ATF7: variants seen among roughly 807,000 people sequenced by gnomAD.
ATF7 encodes the protein activating transcription factor 7.
A neutral mutation model predicts 50.4 loss-of-function variants in ATF7; 10 were observed. The ratio of observed to expected loss-of-function variants is 0.20; its 90% CI spans 0.12 to 0.34. The LOEUF (loss-of-function observed/expected upper bound fraction) is 0.34, where lower values mean the gene tolerates loss of function less well. ATF7 is among the 10% of genes least tolerant of loss of function. The pLI, the probability that ATF7 is intolerant of heterozygous loss-of-function variation, is 1.00. For synonymous variants in ATF7, 201 were observed against 226.4 expected (o/e 0.89, Z 1.01); for missense variants, 465 against 613.9 (o/e 0.76, Z 2.56).
chr12:53,527,671 C>T (rs1216381187), intron 9 of ATF7, among the ~76,000 whole-genome samples: 1 of 151,546 alleles, frequency 6.6e-6, no homozygotes, highest in Non-Finnish European at 1.5e-5. Context: ...GTAATCCTGG[C>T]TACTTGGGAG....
intron 9 of ATF7, among the ~76,000 whole-genome samples, chr12:53,529,527 C>T (rs534685917): frequency 5.9e-4 from 87 of 146,728 alleles, no homozygotes; most frequent in African/African-American, 1.9e-3. Flanking sequence ...TTAGTAGAGA[C>T]GGGTTTCACC....
At chr12:53,519,597 G>A (rs1937975221) in intron 11 of ATF7, among the ~76,000 whole-genome samples, 1 of 152,060 alleles carries the variant, frequency 6.6e-6, no homozygotes, top group Non-Finnish European at 1.5e-5. Context: ...AGCTACTCGG[G>A]AGGCTGAGGC....
Position 53,553,077 on chromosome 12 carries a change from CTT to C in ATF7, c.49-442_49-441del, listed in dbSNP as rs994284805. On this transcript the variant is annotated intron_variant, in intron 2 of 11. Coordinates refer to ENST00000420353, the MANE Select transcript of ATF7 (RefSeq NM_006856.3). ...CTCCATGGTAGGGCTGAATTGGACT[CTT>C]TTATGAGGGCGCTAACAGGGAGATA... Among the ~76,000 whole-genome samples the C allele has an allele frequency of 4.6e-5, 7 of 152,290 alleles. No individual in the cohort carries two copies. In the South Asian group the frequency reaches 6.2e-4, roughly 14 times the overall value.
intron 3 of ATF7, among the ~76,000 whole-genome samples, chr12:53,544,696 C>T (rs756337345): frequency 2.0e-5 from 3 of 151,950 alleles, no homozygotes; most frequent in Admixed American, 6.6e-5. Context: ...TGCAGTAAGC[C>T]GAGATCACTG....
chr12:53,525,264 A>T (rs756833244), intron 9 of ATF7, among the ~76,000 whole-genome samples: 1 of 152,144 alleles, frequency 6.6e-6, no homozygotes, highest in Non-Finnish European at 1.5e-5. Context: ...GAGGCAGGAG[A>T]ATTGCTTGAG....
chr12:53,609,004 A>G (rs1943729888), intron 1 of ATF7, among the ~76,000 whole-genome samples: 1 of 152,164 alleles, frequency 6.6e-6, no homozygotes, highest in South Asian at 2.1e-4. Context: ...TTATTTAGGT[A>G]TTAAAATTTC....
Position 53,532,637 on chromosome 12 carries a change from A to C in ATF7, c.661-14T>G. 6.7e-7 allele frequency: 1 copy of C among 1,493,158 alleles called. No homozygotes were observed. The highest frequency in any genetic ancestry group is 9.1e-7 in the Non-Finnish European group (1 of 1,100,370). 92.5% of individuals were successfully genotyped at this position (1,493,158 alleles called of 1,614,324 possible). On this transcript the variant is annotated splice_polypyrimidine_tract_variant and intron_variant, in intron 7 of 11. Coordinates refer to ENST00000420353, the MANE Select transcript of ATF7 (RefSeq NM_006856.3). ...AGGTCTGGCCAGCTGGATCGAGAGA[A>C]GGAAAAAAAAAAAAAGAGAAGGGAA...
intron 2 of ATF7, among the ~76,000 whole-genome samples, chr12:53,568,864 CA>C (rs1050366045): frequency 4.6e-5 from 7 of 152,228 alleles, no homozygotes; most frequent in African/African-American, 1.4e-4. Flanking sequence ...CAGGTAGGGG[CA>C]AAGAATGAAA....
At position 53,533,148 on chromosome 12, in the gene ATF7, T is replaced by C. The variant is rs917559341; in HGVS notation, c.660+12A>G. On this transcript the variant is annotated intron_variant, in intron 7 of 11. Transcript: ENST00000420353. ...TGTTGGTAGGGTTGGCTGCCCCAAC[T>C]ACAGAGCTCACCGATATAACAGACG... is the stretch of plus-strand genomic sequence containing the variant. 6.2e-7 allele frequency: 1 copy of C among 1,604,602 alleles called. No individual in the cohort carries two copies. Among genetic ancestry groups the C allele is most frequent in the Non-Finnish European group, 8.5e-7 (1 of 1,171,706 alleles).
intron 2 of ATF7, among the ~76,000 whole-genome samples, chr12:53,592,610 G>T (rs1942992873): frequency 6.6e-6 from 1 of 152,080 alleles, no homozygotes; most frequent in Non-Finnish European, 1.5e-5. Flanking sequence ...AACTAGGCTT[G>T]ACAGTTAAGA....
chr12:53,591,898 T>A (rs1057132911), intron 2 of ATF7, among the ~76,000 whole-genome samples: 30 of 152,172 alleles, frequency 2.0e-4, no homozygotes, highest in African/African-American at 7.2e-4. Flanking sequence ...TTCTGCTGAC[T>A]TTCCCCGCAC....
At chr12:53,509,575 C>T (rs1238000512), downstream of ATF7, among the ~76,000 whole-genome samples, 1 of 150,850 alleles carries the variant, frequency 6.6e-6, no homozygotes, top group Non-Finnish European at 1.5e-5. Context: ...GCGATCTCGG[C>T]TCACCGCAAC....
intron 2 of ATF7, among the ~76,000 whole-genome samples, chr12:53,581,843 T>G (rs1465284063): frequency 6.6e-6 from 1 of 151,580 alleles, no homozygotes; most frequent in Non-Finnish European, 1.5e-5. Context: ...TTAGTGTAGG[T>G]CAGGGGTGGT....
At chr12:53,625,313 G>A (rs1944558522) in intron 1 of ATF7, among the ~76,000 whole-genome samples, 1 of 152,174 alleles carries the variant, frequency 6.6e-6, no homozygotes, top group Non-Finnish European at 1.5e-5. Context: ...GAGAAGCGAT[G>A]AAAGCGTTCT....
At chr12:53,602,967 T>C (rs1260816355) in intron 1 of ATF7, among the ~76,000 whole-genome samples, 2 of 152,214 alleles carry the variant, frequency 1.3e-5, no homozygotes, top group East Asian at 3.8e-4. Context: ...ACTCCTGTGC[T>C]AGAGAAAATT....
intron 1 of ATF7, among the ~76,000 whole-genome samples, chr12:53,620,555 G>A (rs1389164906): frequency 1.6e-5 from 2 of 126,178 alleles, no homozygotes; most frequent in African/African-American, 3.1e-5. Context: ...CAGCCTGGGC[G>A]ACAGAGCGAG....
intron 9 of ATF7, 151 bp downstream of exon 9, chr12:53,531,593 C>T (rs2137376331): frequency 1.4e-6 from 1 of 734,638 alleles, no homozygotes; most frequent in East Asian, 2.8e-5. Context: ...GTACGTTTTG[C>T]TATAGTCAAA....
chr12:53,621,611 G>A (rs557745275), intron 1 of ATF7, among the ~76,000 whole-genome samples: 71 of 151,220 alleles, frequency 4.7e-4, no homozygotes, highest in African/African-American at 1.4e-3. Flanking sequence ...GTGAAACCCC[G>A]TCTCTTCTAA....
chr12:53,604,448 T>C (rs1943524330), intron 1 of ATF7, among the ~76,000 whole-genome samples: 1 of 152,218 alleles, frequency 6.6e-6, no homozygotes, highest in Admixed American at 6.5e-5. Context: ...TATGTATATC[T>C]AGATATATGT....
Sources: allele counts gnomAD v4.1 joint callset (sites outside exome capture counted in the v4.1 genomes callset), GRCh38; gene constraint gnomAD v4.1.1; transcripts MANE v1.5; gene names NCBI Gene and HGNC (gene_info 2026-07-23, HGNC 2026-07-21).